UNC13C: variants seen among roughly 807,000 people sequenced by gnomAD.
UNC13C encodes unc-13 homolog C.
Under a neutral mutation model 245.4 loss-of-function variants are expected in UNC13C, and 174 were observed. The ratio of observed to expected loss-of-function variants is 0.71; its 90% CI spans 0.63 to 0.80. The LOEUF is 0.80. UNC13C is among the 30% of genes least tolerant of loss of function. The probability of loss-of-function intolerance (pLI) is 0.00; values close to 1 mark genes in which losing one functional copy is unlikely to be tolerated. For missense variants in UNC13C, 2,829 were observed against 2,602.9 expected, an observed-to-expected ratio of 1.09 and a Z score of -1.89; for synonymous variants, 992 against 895.1, an observed-to-expected ratio of 1.11 and a Z score of -1.93.
At chr15:53,842,418 T>C in the UNC13C span, among the ~76,000 whole-genome samples, 1 of 152,162 alleles carries the variant, frequency 6.6e-6, no homozygotes, top group Non-Finnish European at 1.5e-5. Context: ...GATGTTCAGA[T>C]AGGGCTGACA....
intron 4 of UNC13C, among the ~76,000 whole-genome samples, chr15:54,211,443 GA>G (rs35700661): frequency 7.9e-5 from 12 of 151,696 alleles, no homozygotes; most frequent in South Asian, 2.1e-4. Context: ...ATTCAAGTAG[GA>G]AAAAAAAGTC....
intron 17 of UNC13C, among the ~76,000 whole-genome samples, chr15:54,360,487 G>T (rs1309373854): frequency 1.3e-5 from 2 of 151,782 alleles, no homozygotes; most frequent in Non-Finnish European, 2.9e-5. Context: ...TCTGATATTG[G>T]GTACATATAG....
chr15:54,392,156 A>G (rs16974580), intron 17 of UNC13C, among the ~76,000 whole-genome samples: 6,697 of 152,168 alleles, frequency 0.044, 479 homozygotes, highest in African/African-American at 0.15. Context: ...AGCCAATTTT[A>G]ACAAGTAAAT....
chr15:53,928,690 G>C, the UNC13C span, among the ~76,000 whole-genome samples: 1 of 152,192 alleles, frequency 6.6e-6, no homozygotes, highest in Non-Finnish European at 1.5e-5. Context: ...TCTTGCAGTT[G>C]GGATTAATCA....
chr15:53,981,419 C>A (rs1289822730), intron 1 of UNC13C, among the ~76,000 whole-genome samples: 1 of 152,140 alleles, frequency 6.6e-6, no homozygotes, highest in Non-Finnish European at 1.5e-5. Flanking sequence ...CTGAAATACA[C>A]TTTTATAGCT....
chr15:54,094,285 C>T (rs140963498), intron 2 of UNC13C, among the ~76,000 whole-genome samples: 1 of 152,156 alleles, frequency 6.6e-6, no homozygotes, highest in African/African-American at 2.4e-5. Context: ...GACAGCACTC[C>T]CAGCCTCTCC....
the UNC13C span, among the ~76,000 whole-genome samples, chr15:53,846,025 T>A: frequency 6.6e-6 from 1 of 152,168 alleles, no homozygotes; most frequent in Non-Finnish European, 1.5e-5. Context: ...ATTCAATAAA[T>A]TACATGAGAT....
intron 8 of UNC13C, among the ~76,000 whole-genome samples, chr15:54,260,620 T>G (rs1255790690): frequency 1.3e-5 from 2 of 148,440 alleles, no homozygotes; most frequent in Non-Finnish European, 3.0e-5. Flanking sequence ...TATATGTATA[T>G]ACATACACAC....
At chr15:53,925,659 C>G in the UNC13C span, among the ~76,000 whole-genome samples, 1 of 152,212 alleles carries the variant, frequency 6.6e-6, no homozygotes, top group Non-Finnish European at 1.5e-5. Context: ...CGTAAAATGA[C>G]AGGCTCCGAG....
chr15:54,312,416 C>A (rs949728343), intron 13 of UNC13C, among the ~76,000 whole-genome samples: 1 of 151,662 alleles, frequency 6.6e-6, no homozygotes, highest in Non-Finnish European at 1.5e-5. Context: ...CTCTTTTAGA[C>A]TGGGGGAAAA....
intron 10 of UNC13C, among the ~76,000 whole-genome samples, chr15:54,286,231 T>C (rs960057110): frequency 1.3e-5 from 2 of 152,228 alleles, no homozygotes; most frequent in Non-Finnish European, 2.9e-5. Flanking sequence ...TACAATACTA[T>C]TTTAAATATT....
At chr15:54,433,827 A>G (rs2040922962) in intron 19 of UNC13C, among the ~76,000 whole-genome samples, 1 of 152,104 alleles carries the variant, frequency 6.6e-6, no homozygotes, top group African/African-American at 2.4e-5. Flanking sequence ...TTGTATATTT[A>G]GAAAACCGAT....
At chr15:54,250,749 C>CTTTCTTTCTTTCTTTCTT (rs1475632016) in intron 8 of UNC13C, among the ~76,000 whole-genome samples, 2 of 88,868 alleles carry the variant, frequency 2.3e-5, no homozygotes, top group Non-Finnish European at 4.5e-5. Context: ...TTCTTTCTTT[C>CTTTCTTTCTTTCTTTCTT]TTTTTTTTTT....
At chr15:54,568,949 T>C (rs1483501331) in intron 30 of UNC13C, among the ~76,000 whole-genome samples, 1 of 152,178 alleles carries the variant, frequency 6.6e-6, no homozygotes, top group Non-Finnish European at 1.5e-5. Flanking sequence ...CCTTTTCATA[T>C]ATCCCAGGTT....
intron 30 of UNC13C, among the ~76,000 whole-genome samples, chr15:54,593,528 T>A (rs192981886): frequency 6.6e-6 from 1 of 152,272 alleles, no homozygotes; most frequent in Admixed American, 6.5e-5. Flanking sequence ...CACATTTTCT[T>A]ATTCTTTTTG....
chr15:54,607,934 G>T (rs952351271), intron 30 of UNC13C, among the ~76,000 whole-genome samples: 1 of 152,246 alleles, frequency 6.6e-6, no homozygotes, highest in East Asian at 1.9e-4. Context: ...AACCATATCA[G>T]ACAAACAGTA....
the UNC13C span, among the ~76,000 whole-genome samples, chr15:53,960,491 G>C: frequency 6.6e-6 from 1 of 152,000 alleles, no homozygotes; most frequent in East Asian, 1.9e-4. Context: ...TTAATGAAAA[G>C]CTTTTGAAAT....
intron 32 of UNC13C, among the ~76,000 whole-genome samples, chr15:54,624,934 T>A (rs74014273): frequency 6.6e-6 from 1 of 152,084 alleles, no homozygotes; most frequent in South Asian, 2.1e-4. Flanking sequence ...ACCATACTTA[T>A]GCCTGAAAAG....
At chr15:53,910,690 G>C in the UNC13C span, 3 of 147,104 alleles carry the variant, frequency 2.0e-5, no homozygotes, top group East Asian at 2.0e-4. Context: ...TTGCAGGTGT[G>C]GGGGCAGCAG....
Sources: gnomAD v4.1 joint callset for allele counts (sites outside exome capture counted in the v4.1 genomes callset) on GRCh38, gnomAD v4.1.1 for gene constraint, MANE v1.5 for transcripts, NCBI Gene and HGNC (gene_info 2026-07-23, HGNC 2026-07-21) for gene names.